PCDH15: variants seen among roughly 807,000 people sequenced by gnomAD.
The protein encoded by PCDH15 is protocadherin-15.
A neutral mutation model predicts 178.5 loss-of-function variants in PCDH15; 129 were observed. The observed-to-expected ratio is 0.72, with a 90% CI of 0.63 to 0.84. The LOEUF (loss-of-function observed/expected upper bound fraction) is 0.84, where lower values mean the gene tolerates loss of function less well. Among genes scored for constraint, PCDH15 ranks in the 40% least tolerant of loss-of-function variants. The pLI is 0.00. For synonymous variants in PCDH15, 800 were observed against 732.0 expected, an observed-to-expected ratio of 1.09 and a Z score of -1.50; for missense variants, 2,230 against 2,099.9, an observed-to-expected ratio of 1.06 and a Z score of -1.21.
chr10:55,013,748 G>T lies in PCDH15; in HGVS notation c.-79-116248C>A, dbSNP rs114200533. On this transcript the variant is annotated intron_variant, in intron 2 of 5. Transcript: ENST00000458638. ...GCAAGATTCATGAAGTCAAATTCAAGACATTTGCTTAACCTGTTATCCATA... is the reference window on the plus strand; with the variant it reads ...GCAAGATTCATGAAGTCAAATTCAATACATTTGCTTAACCTGTTATCCATA... 8.7e-3 allele frequency among the ~76,000 whole-genome samples: 1,322 copies of T among 152,156 alleles called. 20 individuals carry two copies. Among genetic ancestry groups the T allele is most frequent in the African/African-American group, 0.03 (1,254 of 41,532 alleles).
At chr10:54,842,691 C>T (rs1284913329) in intron 3 of PCDH15, among the ~76,000 whole-genome samples, 1 of 151,804 alleles carries the variant, frequency 6.6e-6, no homozygotes, top group Non-Finnish European at 1.5e-5. Flanking sequence ...GTAACTACAA[C>T]AGCGATTATC....
intron 1 of PCDH15, among the ~76,000 whole-genome samples, chr10:55,314,477 A>T (rs1390878814): frequency 1.3e-5 from 2 of 151,844 alleles, no homozygotes; most frequent in African/African-American, 2.4e-5. Context: ...CATGTCATTC[A>T]TTCTTGGGTT....
intron 2 of PCDH15, among the ~76,000 whole-genome samples, chr10:55,005,952 TTTTTA>T (rs982715312): frequency 2.6e-5 from 4 of 151,984 alleles, no homozygotes; most frequent in African/African-American, 9.6e-5. Context: ...ACTTATTCTA[TTTTTA>T]TTTTAATTGA....
At position 55,065,966 on chromosome 10, in the gene PCDH15, G is replaced by T. The variant is rs202172010; in HGVS notation, c.-80+100610C>A. ...TTGATTGCTTTGGTCAAAATACAAA[G>T]GCCACTTTATACATACAAGTCCCAC... On this transcript the variant is annotated intron_variant, in intron 2 of 5. Coordinates refer to the PCDH15 transcript ENST00000458638. Among the ~76,000 whole-genome samples, 6 of 151,874 alleles carry T rather than the reference G, an allele frequency of 4.0e-5. No individual in the cohort carries two copies. In the East Asian group the frequency reaches 1.2e-3, roughly 29 times the overall value.
At position 54,362,322 on chromosome 10, in the gene PCDH15, A is replaced by C. The variant is rs543735955; in HGVS notation, c.474+6798T>G. ...AATTAGTTCCTAATGAGTATGCCTA[A>C]TGACAAAAGGAGTAAGAAAAATAAA... is the stretch of plus-strand genomic sequence containing the variant. On this transcript the variant is annotated intron_variant, in intron 5 of 37. Coordinates refer to ENST00000644397, the MANE Select transcript of PCDH15 (RefSeq NM_001384140.1). Among the ~76,000 whole-genome samples, 6 of 152,192 alleles carry C rather than the reference A, an allele frequency of 3.9e-5. No homozygotes were observed. The South Asian group carries it at 6.2e-4, about 16-fold the overall frequency.
chr10:54,100,362 C>T (rs2094787343), intron 15 of PCDH15, among the ~76,000 whole-genome samples: 2 of 139,386 alleles, frequency 1.4e-5, no homozygotes, highest in South Asian at 4.7e-4. Flanking sequence ...AAGACTCCGT[C>T]TCAAAAAAAA....
At chr10:53,848,518 T>C (rs75868528) in intron 28 of PCDH15, among the ~76,000 whole-genome samples, 5,902 of 152,128 alleles carry the variant, frequency 0.039, 360 homozygotes, top group African/African-American at 0.13. Context: ...AATCTTTCTT[T>C]GCTTTTCTTC....
intron 1 of PCDH15, among the ~76,000 whole-genome samples, chr10:54,800,255 A>T (rs543585314): frequency 6.6e-6 from 1 of 152,308 alleles, no homozygotes; most frequent in South Asian, 2.1e-4. Context: ...TAAAGGCCAC[A>T]TCACAAAGTG....
chr10:55,005,226 A>AATAATCATCATC (rs34847205), intron 2 of PCDH15, among the ~76,000 whole-genome samples: 3 of 146,522 alleles, frequency 2.0e-5, no homozygotes, highest in Admixed American at 6.8e-5. Flanking sequence ...TAATAATAAT[A>AATAATCATCATC]ATCAATGGAG....
intron 2 of PCDH15, among the ~76,000 whole-genome samples, chr10:55,034,076 GAA>G (rs34250260): frequency 6.4e-4 from 93 of 144,972 alleles, no homozygotes; most frequent in Admixed American, 2.7e-3. Flanking sequence ...AGAACTCTGA[GAA>G]AAAAAAAAAA....
rs10546546 is a variant in PCDH15, at chr10:55,392,979, A to ATGTG, written c.-155-226332_-155-226329dup. On this transcript the variant is annotated intron_variant, in intron 2 of 5. Transcript: ENST00000613346. ...AGTATCAATCTAAGAACTAAAGTGTATGTGTGTGTGTGTGTGTGTGTGTGT... is the reference window on the plus strand; with the variant it reads ...AGTATCAATCTAAGAACTAAAGTGTATGTGTGTGTGTGTGTGTGTGTGTGTGTGT... Among the ~76,000 whole-genome samples the ATGTG allele has an allele frequency of 4.6e-3, 668 of 144,156 alleles. 2 individuals carry two copies. Among genetic ancestry groups the ATGTG allele is most frequent in the East Asian group, 0.023 (109 of 4,720 alleles). The allele number at this position is 144,156 out of a possible 152,430, so 94.6% of individuals were successfully genotyped here. A position where few individuals can be genotyped will look rare whatever the true frequency, so the allele number is the denominator to read the frequency against.
chr10:54,916,793 G>C (rs552672791), intron 2 of PCDH15, among the ~76,000 whole-genome samples: 1 of 149,538 alleles, frequency 6.7e-6, no homozygotes, highest in South Asian at 2.1e-4. Flanking sequence ...GGTAATATTT[G>C]ACTTGAATAC....
intron 4 of PCDH15, 41 bp from the exon 5 acceptor site, chr10:54,369,316 A>C: frequency 6.3e-7 from 1 of 1,589,154 alleles, no homozygotes; most frequent in Non-Finnish European, 8.6e-7. Flanking sequence ...ACTAATTAAA[A>C]ACAAAGCTTC....
In PCDH15 at chr10:54,296,001, C is replaced by G. The variant is rs376394730; in HGVS notation, c.876+21270G>C. ...CTACTAAAAAATACAAAAAATTAGC[C>G]GGGCGTAGTGGCGGGCGCCTGTGGT... On this transcript the variant is annotated intron_variant, in intron 8 of 37. Transcript: ENST00000644397. Among the ~76,000 whole-genome samples, 2 of 150,784 alleles carry G rather than the reference C, an allele frequency of 1.3e-5. 1 individual carries two copies. Among genetic ancestry groups the G allele is most frequent in the South Asian group, 4.2e-4 (2 of 4,744 alleles).
In PCDH15 at chr10:54,167,951, G is replaced by A. The variant is rs962439395; in HGVS notation, c.1591-14658C>T. Reference sequence around the variant, plus strand: ...ACTTTTCTGGAAGGTAAGAACCCCCGAACCCCTTCCCTCTGTTTCCCTACT... The same window carrying A: ...ACTTTTCTGGAAGGTAAGAACCCCCAAACCCCTTCCCTCTGTTTCCCTACT... On this transcript the variant is annotated intron_variant, in intron 13 of 37. Coordinates refer to ENST00000644397, the MANE Select transcript of PCDH15 (RefSeq NM_001384140.1). Among the ~76,000 whole-genome samples, 83 of 136,162 alleles carry A rather than the reference G, an allele frequency of 6.1e-4. 1 individual carries two copies. Among genetic ancestry groups the A allele is most frequent in the African/African-American group, 2.1e-3 (74 of 35,730 alleles). The allele number at this position is 136,162 out of a possible 152,430, so 89.3% of individuals were successfully genotyped here. A position where few individuals can be genotyped will look rare whatever the true frequency, so the allele number is the denominator to read the frequency against.
intron 2 of PCDH15, among the ~76,000 whole-genome samples, chr10:55,072,777 C>T (rs942524144): frequency 4.6e-5 from 7 of 151,782 alleles, no homozygotes; most frequent in Non-Finnish European, 7.4e-5. Flanking sequence ...ATACCAAAGC[C>T]GGGCAGAGAC....
intron 1 of PCDH15, among the ~76,000 whole-genome samples, chr10:54,690,654 C>G (rs540361209): frequency 6.6e-6 from 1 of 152,152 alleles, no homozygotes; most frequent in African/African-American, 2.4e-5. Context: ...GTATACTTCT[C>G]CTACTTATTA....
At chr10:55,336,188 C>T (rs138906791) in intron 2 of PCDH15, among the ~76,000 whole-genome samples, 106 of 148,600 alleles carry the variant, frequency 7.1e-4, no homozygotes, top group African/African-American at 2.5e-3. Context: ...TGACTTTCTC[C>T]CTTGCAGCAG....
At chr10:54,146,008 C>T (rs2043870098) in intron 14 of PCDH15, among the ~76,000 whole-genome samples, 1 of 151,990 alleles carries the variant, frequency 6.6e-6, no homozygotes, top group South Asian at 2.1e-4. Context: ...TTTACCTGTG[C>T]CTGCATCTGA....
Sources: allele counts gnomAD v4.1 joint callset (sites outside exome capture counted in the v4.1 genomes callset), GRCh38; gene constraint gnomAD v4.1.1; transcripts MANE v1.5; gene names NCBI Gene and HGNC (gene_info 2026-07-23, HGNC 2026-07-21).